Variants in METTL17 observed in about 807,000 individuals in gnomAD.
METTL17 encodes the protein ribosome assembly protein METTL17, mitochondrial.
Under a neutral mutation model 59.4 loss-of-function variants are expected in METTL17, and 49 were observed. The observed-to-expected ratio is 0.82, with a 90% CI of 0.66 to 1.05. The LOEUF (loss-of-function observed/expected upper bound fraction) is 1.05, where lower values mean the gene tolerates loss of function less well. Ranked by LOEUF, METTL17 falls within the 50% of genes least tolerant of loss-of-function variation. The probability of loss-of-function intolerance (pLI) is 0.00; values close to 1 mark genes in which losing one functional copy is unlikely to be tolerated. For synonymous variants in METTL17, 208 were observed against 209.2 expected (o/e 0.99, Z 0.05); for missense variants, 555 against 578.4 (o/e 0.96, Z 0.41).
rs1193888816 is a variant in METTL17, at chr14:20,994,525, CTCT to C, written c.698-13_698-11del. The C allele has an allele frequency of 1.2e-5, 20 of 1,611,576 alleles. No individual in the cohort carries two copies. The African/African-American group carries it at 2.4e-4, about 19-fold the overall frequency. ...TAACTTCCTACACACTCACAGTTGC[CTCT>C]TCTTTTCTCCACAGGTGGTTCAGAA... On this transcript the variant is annotated splice_polypyrimidine_tract_variant and intron_variant, in intron 7 of 13. Coordinates refer to ENST00000339374, the MANE Select transcript of METTL17 (RefSeq NM_022734.3).
In METTL17 at chr14:20,990,212, ACCTTTCTCT is replaced by A; in HGVS notation, c.76-17_76-9del. 1 of 1,613,980 alleles carries A rather than the reference ACCTTTCTCT, an allele frequency of 6.2e-7. No homozygotes were observed. The highest frequency in any genetic ancestry group is 8.5e-7 in the Non-Finnish European group (1 of 1,180,002). ...TTCCTTTCTGCCAGGAAATCAACCT[ACCTTTCTCT>A]GCCTGCAGGCGCTCGCCGCCTTAGT... is the stretch of plus-strand genomic sequence containing the variant. On this transcript the variant is annotated splice_polypyrimidine_tract_variant and intron_variant, in intron 1 of 13. Transcript: ENST00000339374.
chr14:20,993,317 T>G, intron 6 of METTL17, 126 bp downstream of exon 6: 1 of 790,894 alleles, frequency 1.3e-6, no homozygotes, highest in Non-Finnish European at 2.2e-6. Context: ...CTATAATGTT[T>G]CTTCCATCAG....
In METTL17 at chr14:20,990,025, T is replaced by C; in HGVS notation, c.23T>C (p.Leu8Pro). The C allele has an allele frequency of 6.2e-7, 1 of 1,611,944 alleles. No individual in the cohort carries two copies. The highest frequency in any genetic ancestry group is 2.2e-5 in the East Asian group (1 of 44,836). MAAALKC[L>P]LTLGRWCPGL... ...GCCATGGCGGCGGCACTGAAGTGTC[T>C]ACTGACATTAGGAAGATGGTGCCCC... The change falls in exon 1 of 14, where the codon CTA (leucine) becomes CCA (proline). Residue 8 changes from leucine to proline, a missense_variant. By Grantham distance (98) the Leu-to-Pro change is moderately conservative (BLOSUM62 -3). Transcript: ENST00000339374.
chr14:20,992,049 G>A (rs777656936), intron 3 of METTL17, 75 bp from the exon 4 acceptor site: 12 of 1,316,806 alleles, frequency 9.1e-6, no homozygotes, highest in Admixed American at 1.8e-5. Flanking sequence ...GGACTGGGTG[G>A]GCAGTATATT....
At chr14:20,991,257 G>A (rs1056189472) in intron 3 of METTL17, among the ~76,000 whole-genome samples, 8 of 152,122 alleles carry the variant, frequency 5.3e-5, no homozygotes, top group Non-Finnish European at 1.2e-4. Context: ...ACCCTCTTCT[G>A]GGATAAGAGG....
In METTL17 at chr14:20,992,553, A is replaced by T; in HGVS notation, c.459A>T (p.Gly153=). 1.2e-6 allele frequency: 2 copies of T among 1,613,698 alleles called. No individual in the cohort carries two copies. Among genetic ancestry groups the T allele is most frequent in the Non-Finnish European group, 1.7e-6 (2 of 1,179,622 alleles). Residue 153 remains glycine (G), a synonymous_variant, in exon 5 of 14, where the codon GGA becomes GGT. Coordinates refer to ENST00000339374, the MANE Select transcript of METTL17 (RefSeq NM_022734.3). The part of the protein sequence containing the change: ...YHWQELSYTE[G]LSLVYMAARL... ...ATTTTAATGGCAGCTACACTGAGGGACTGAGCCTGGTGTATATGGCAGCAA... is the reference window on the plus strand; with the variant it reads ...ATTTTAATGGCAGCTACACTGAGGGTCTGAGCCTGGTGTATATGGCAGCAA...
chr14:20,995,136 T>G (rs1383230804), intron 9 of METTL17, 29 bp from the exon 10 acceptor site: 1 of 1,602,418 alleles, frequency 6.2e-7, no homozygotes, highest in South Asian at 1.1e-5. Flanking sequence ...AATTCAAGTC[T>G]TCTGCATATT....
chr14:20,996,405 G>A (rs1241583836), intron 12 of METTL17, 113 bp downstream of exon 12: 2 of 1,465,032 alleles, frequency 1.4e-6, no homozygotes, highest in Non-Finnish European at 1.9e-6. Context: ...GAGACTTTAG[G>A]GCCTACATGT....
intron 11 of METTL17, 98 bp downstream of exon 11, chr14:20,996,049 T>C (rs1338601914): frequency 5.0e-6 from 7 of 1,412,282 alleles, no homozygotes; most frequent in Non-Finnish European, 7.0e-6. Flanking sequence ...CACTACTTTG[T>C]GTTCCTATCC....
rs752105660 is a variant in METTL17, at chr14:20,993,069, T to G, written c.529-49T>G. 6 of 1,525,022 alleles carry G rather than the reference T, an allele frequency of 3.9e-6. No individual in the cohort carries two copies. In the Middle Eastern group the frequency reaches 6.7e-4, roughly 171 times the overall value. The allele number at this position is 1,525,022 out of a possible 1,614,324, so 94.5% of individuals were successfully genotyped here. A position where few individuals can be genotyped will look rare whatever the true frequency, so the allele number is the denominator to read the frequency against. On this transcript the variant is annotated intron_variant, in intron 5 of 13. Coordinates refer to ENST00000339374, the MANE Select transcript of METTL17 (RefSeq NM_022734.3). ...TCCTAATTCACATTTATCAAGGTCCTAAATAAGTATCTAATTACCCTACTG... is the reference window on the plus strand; with the variant it reads ...TCCTAATTCACATTTATCAAGGTCCGAAATAAGTATCTAATTACCCTACTG...
At chr14:20,993,739 C>T (rs1594342121) in intron 6 of METTL17, 1 of 315,516 alleles carries the variant, frequency 3.2e-6, no homozygotes, top group Non-Finnish European at 5.8e-6. Context: ...TCCCAAAGTG[C>T]TGGGATTACA....
Position 20,996,277 on chromosome 14 carries a change from C to T in METTL17, c.1065C>T (p.Pro355=), listed in dbSNP as rs1350746627. The T allele has an allele frequency of 1.9e-6, 3 of 1,614,028 alleles. No homozygotes were observed. Among genetic ancestry groups the T allele is most frequent in the East Asian group, 4.5e-5 (2 of 44,892 alleles). Residue 355 remains proline, a synonymous_variant, in exon 12 of 14, where the codon CCC becomes CCT. Transcript: ENST00000339374. ...GTAGCTTCTCACAGGCGTACCATCC[C>T]ATCCCCTTCAGCTGGGTAGGTACCT... The part of the protein sequence containing the change: ...LACSFSQAYH[P]IPFSWNKKPK...
chr14:20,993,535 G>GAGAT, intron 6 of METTL17: 3 of 265,330 alleles, frequency 1.1e-5, no homozygotes, highest in Non-Finnish European at 2.1e-5. Context: ...GAGTGCAGTG[G>GAGAT]CACAATCTCG....
In METTL17 at chr14:20,996,779, C is replaced by G. The variant is rs1031255766; in HGVS notation, c.1266-6C>G. Reference sequence around the variant, plus strand: ...CTGCAGCCCACGCCAGCATCTGTTTCCACAGGGATTTGTATCGTTGTGCCC... The same window carrying G: ...CTGCAGCCCACGCCAGCATCTGTTTGCACAGGGATTTGTATCGTTGTGCCC... On this transcript the variant is annotated splice_region_variant and splice_polypyrimidine_tract_variant and intron_variant, in intron 13 of 13. Transcript: ENST00000339374. The G allele has an allele frequency of 1.2e-6, 2 of 1,614,224 alleles. No homozygotes were observed. Among genetic ancestry groups the G allele is most frequent in the Non-Finnish European group, 1.7e-6 (2 of 1,180,042 alleles).
chr14:20,993,763 G>A lies in METTL17; in HGVS notation c.603-206G>A, dbSNP rs189393705. 6.8e-3 allele frequency: 2,548 copies of A among 372,894 alleles called. 8 individuals are homozygous for A. The highest frequency in any genetic ancestry group is 0.026 in the Middle Eastern group (34 of 1,290). The allele number at this position is 372,894 out of a possible 1,614,324, so 23.1% of individuals were successfully genotyped here. On this transcript the variant is annotated intron_variant, in intron 6 of 13. Transcript: ENST00000339374. Reference sequence around the variant, plus strand: ...GCTGGGATTACAAGCATGAGCCACTGTGCCCAGCTGAGTCTACCTTTTTTT... The same window carrying A: ...GCTGGGATTACAAGCATGAGCCACTATGCCCAGCTGAGTCTACCTTTTTTT...
At chr14:20,990,656 G>A (rs1879981476) in intron 3 of METTL17, 58 bp downstream of exon 3, 1 of 1,596,068 alleles carries the variant, frequency 6.3e-7, no homozygotes, top group East Asian at 2.3e-5. Context: ...TAGAAATGAA[G>A]AGTAAGAAAT....
At position 20,996,203 on chromosome 14, in the gene METTL17, TCA is replaced by T. The variant is rs780658665; in HGVS notation, c.997-3_997-2del. On this transcript the variant is annotated splice_region_variant and splice_polypyrimidine_tract_variant and intron_variant, in intron 11 of 13. Transcript: ENST00000339374. ...TGTCTTACCTCATTTTTTTATGTGT[TCA>T]CAGTGTCCCCATGAACTCCCTTGTC... 1 of 1,613,466 alleles carries T rather than the reference TCA, an allele frequency of 6.2e-7. No homozygotes were observed. Among genetic ancestry groups the T allele is most frequent in the South Asian group, 1.1e-5 (1 of 91,040 alleles).
In METTL17 at chr14:20,992,910, G is replaced by A. The variant is rs1437271116; in HGVS notation, c.529-208G>A. Reference sequence around the variant, plus strand: ...CTTAAAAAAAACACAAAATAAAGACGTTCTCTTTATCCTGTGAAAGCTTTC... The same window carrying A: ...CTTAAAAAAAACACAAAATAAAGACATTCTCTTTATCCTGTGAAAGCTTTC... On this transcript the variant is annotated intron_variant, in intron 5 of 13. Coordinates refer to ENST00000339374, the MANE Select transcript of METTL17 (RefSeq NM_022734.3). 30 of 606,142 alleles carry A rather than the reference G, an allele frequency of 4.9e-5. 1 individual carries two copies. Among genetic ancestry groups the A allele is most frequent in the South Asian group, 3.5e-4 (17 of 48,900 alleles). The allele number at this position is 606,142 out of a possible 1,614,324, so 37.5% of individuals were successfully genotyped here. A position where few individuals can be genotyped will look rare whatever the true frequency, so the allele number is the denominator to read the frequency against.
In METTL17 at chr14:20,995,151, C is replaced by T; in HGVS notation, c.877-14C>T. 1 of 1,612,522 alleles carries T rather than the reference C, an allele frequency of 6.2e-7. No individual in the cohort carries two copies. Among genetic ancestry groups the T allele is most frequent in the African/African-American group, 1.3e-5 (1 of 75,002 alleles). Reference sequence around the variant, plus strand: ...AATTCAAGTCTTCTGCATATTTTCCCCTTTTGTGAACAGGTACTGGTGGAG... The same window carrying T: ...AATTCAAGTCTTCTGCATATTTTCCTCTTTTGTGAACAGGTACTGGTGGAG... On this transcript the variant is annotated splice_polypyrimidine_tract_variant and intron_variant, in intron 9 of 13. Transcript: ENST00000339374.
Sources: allele counts gnomAD v4.1 joint callset (sites outside exome capture counted in the v4.1 genomes callset), GRCh38; gene constraint gnomAD v4.1.1; transcripts MANE v1.5; gene names NCBI Gene and HGNC (gene_info 2026-07-23, HGNC 2026-07-21).